The following BMPER variants were observed in gnomAD, a reference collection of about 807,000 sequenced individuals.
BMPER encodes BMP-binding endothelial regulator protein.
In BMPER, 45 loss-of-function variants were observed where a neutral mutation model predicts 87.3. The observed-to-expected ratio is 0.52, with a 90% confidence interval of 0.41 to 0.66. The LOEUF is 0.66. BMPER is among the 30% of genes least tolerant of loss of function. The pLI is 0.00. For missense variants in BMPER, 784 were observed against 867.5 expected (o/e 0.90, Z 1.21); for synonymous variants, 326 against 316.2 (o/e 1.03, Z -0.33).
chr7:34,100,136 A>T (rs1789641529), intron 13 of BMPER, among the ~76,000 whole-genome samples: 1 of 152,178 alleles, frequency 6.6e-6, no homozygotes. Flanking sequence ...TTACGATTAC[A>T]GGGGTGAGAT....
intron 8 of BMPER, among the ~76,000 whole-genome samples, chr7:34,053,435 C>T (rs745320141): frequency 2.6e-5 from 4 of 152,152 alleles, no homozygotes; most frequent in East Asian, 1.9e-4. Context: ...GTGTGGGTGC[C>T]GGGGCATTGA....
intron 6 of BMPER, among the ~76,000 whole-genome samples, chr7:34,002,336 A>T (rs115991005): frequency 6.6e-6 from 1 of 151,830 alleles, no homozygotes; most frequent in Non-Finnish European, 1.5e-5. Context: ...ATATTTTATT[A>T]TAAAATAGGC....
intron 13 of BMPER, among the ~76,000 whole-genome samples, chr7:34,140,985 G>A (rs117597803): frequency 0.048 from 7,243 of 152,230 alleles, 227 homozygotes; most frequent in Non-Finnish European, 0.068. Context: ...GAGAGAGGAT[G>A]GGGAACAAAT....
rs1457029487 is a variant in BMPER, at chr7:34,079,055, G to A, written c.1277G>A (p.Gly426Asp). ...ACCAAGTCGGTGGAGCTGGTGCTGG[G>A]CGAGAGCAGGGTCAGCCTGCAGCAG... Reference protein sequence around the residue: ...SWTKSVELVLGESRVSLQQHL... With the variant: ...SWTKSVELVLDESRVSLQQHL... The change falls in exon 12 of 15, where the codon GGC becomes GAC. Residue 426 changes from glycine to aspartate, a missense_variant. Coordinates refer to ENST00000649409, the MANE Select transcript of BMPER (RefSeq NM_001365308.1). The A allele has an allele frequency of 6.2e-7, 1 of 1,614,166 alleles. No homozygotes were observed. The highest frequency in any genetic ancestry group is 1.7e-5 in the Admixed American group (1 of 60,028).
intron 2 of BMPER, among the ~76,000 whole-genome samples, chr7:33,921,584 A>C (rs1339919922): frequency 6.6e-6 from 1 of 152,126 alleles, no homozygotes; most frequent in East Asian, 1.9e-4. Context: ...TATGTTTTCA[A>C]CAGTCCTTGC....
chr7:34,123,561 G>C (rs1790317038), intron 13 of BMPER, among the ~76,000 whole-genome samples: 1 of 152,178 alleles, frequency 6.6e-6, no homozygotes, highest in African/African-American at 2.4e-5. Flanking sequence ...GTGCAATCAG[G>C]AGTGAGAACC....
chr7:33,974,835 T>C (rs1394996026), intron 6 of BMPER, 51 bp downstream of exon 6: 1 of 1,566,242 alleles, frequency 6.4e-7, no homozygotes, highest in South Asian at 1.1e-5. Flanking sequence ...AAAGCACTTC[T>C]TGTACTCACC....
intron 6 of BMPER, among the ~76,000 whole-genome samples, chr7:34,017,988 C>T (rs1787078642): frequency 6.7e-6 from 1 of 149,080 alleles, no homozygotes; most frequent in African/African-American, 2.5e-5. Flanking sequence ...AAAAACAAAA[C>T]CCGTAGTTGA....
chr7:34,017,863 T>C (rs969583944), intron 6 of BMPER, among the ~76,000 whole-genome samples: 2 of 151,626 alleles, frequency 1.3e-5, no homozygotes, highest in African/African-American at 4.8e-5. Flanking sequence ...GTGTTACTTA[T>C]TGTTTTCTAA....
intron 13 of BMPER, among the ~76,000 whole-genome samples, chr7:34,129,577 G>GGAAGGAGAGA (rs1790497796): frequency 4.2e-5 from 2 of 47,758 alleles, no homozygotes; most frequent in African/African-American, 7.6e-5. Context: ...AAGGAAGGAA[G>GGAAGGAGAGA]GAGAGAGAGA....
In BMPER at chr7:34,069,064, A is replaced by C. The variant is rs562736768; in HGVS notation, c.1078+7017A>C. On this transcript the variant is annotated intron_variant, in intron 11 of 14. Coordinates refer to ENST00000649409, the MANE Select transcript of BMPER (RefSeq NM_001365308.1). ...TTTCAAAAGAATGCATTTTATATAG[A>C]AAAAGATATGCGAATTCATTATTAG... Among the ~76,000 whole-genome samples the C allele has an allele frequency of 4.6e-5, 7 of 152,366 alleles. No individual in the cohort carries two copies. The South Asian group carries it at 1.4e-3, about 32-fold the overall frequency.
chr7:34,145,099 G>A (rs1303778179), intron 14 of BMPER, among the ~76,000 whole-genome samples: 1 of 152,186 alleles, frequency 6.6e-6, no homozygotes, highest in Admixed American at 6.5e-5. Context: ...ATGCCCTGAT[G>A]TCTTTCTTCA....
intron 6 of BMPER, among the ~76,000 whole-genome samples, chr7:34,002,913 G>A (rs951502582): frequency 1.3e-5 from 2 of 151,456 alleles, no homozygotes; most frequent in Admixed American, 6.6e-5. Flanking sequence ...TCTAAAGTGT[G>A]TCTCTTGTAG....
At chr7:33,959,213 G>C (rs767430834) in intron 3 of BMPER, among the ~76,000 whole-genome samples, 4 of 152,152 alleles carry the variant, frequency 2.6e-5, no homozygotes, top group South Asian at 4.1e-4. Flanking sequence ...TAAGTCCTAT[G>C]TGAAAACTCT....
chr7:33,943,047 C>T (rs1784805618), intron 3 of BMPER, among the ~76,000 whole-genome samples: 1 of 152,042 alleles, frequency 6.6e-6, no homozygotes, highest in Non-Finnish European at 1.5e-5. Flanking sequence ...TCCTTTCCTT[C>T]CTTGGCACAA....
intron 6 of BMPER, among the ~76,000 whole-genome samples, chr7:34,019,624 A>G (rs1787127113): frequency 6.6e-6 from 1 of 151,950 alleles, no homozygotes; most frequent in African/African-American, 2.4e-5. Context: ...GGCAGCAAGG[A>G]CCATTCAGCT....
chr7:34,149,232 C>T (rs1228116877), intron 14 of BMPER, among the ~76,000 whole-genome samples: 1 of 152,108 alleles, frequency 6.6e-6, no homozygotes, highest in African/African-American at 2.4e-5. Context: ...AGAGCAACAA[C>T]CTTTAGGGGT....
intron 7 of BMPER, 56 bp downstream of exon 7, chr7:34,046,461 T>C (rs1055112560): frequency 1.3e-6 from 2 of 1,547,946 alleles, no homozygotes; most frequent in South Asian, 1.1e-5. Context: ...AAGTTTCTGC[T>C]GGGAGTGTTT....
intron 3 of BMPER, chr7:33,940,134 G>A (rs1784718151): frequency 6.3e-6 from 1 of 159,306 alleles, no homozygotes; most frequent in Admixed American, 6.3e-5. Flanking sequence ...TCCAGAAATA[G>A]CAATTGCTAT....
Sources: gnomAD v4.1 joint callset for allele counts (sites outside exome capture counted in the v4.1 genomes callset) on GRCh38, gnomAD v4.1.1 for gene constraint, MANE v1.5 for transcripts, NCBI Gene and HGNC (gene_info 2026-07-23, HGNC 2026-07-21) for gene names.